The following GABBR2 variants were observed in gnomAD, a reference collection of about 807,000 sequenced individuals.
GABBR2 encodes G-protein coupled receptor 51.
Under a neutral mutation model 105.6 loss-of-function variants are expected in GABBR2, and 23 were observed. That is an observed-to-expected ratio of 0.22 (90% CI 0.16 to 0.31). GABBR2 has a LOEUF of 0.31. GABBR2 is among the 10% of genes least tolerant of loss of function. The probability of loss-of-function intolerance (pLI) is 1.00; values close to 1 mark genes in which losing one functional copy is unlikely to be tolerated. For missense variants in GABBR2, 734 were observed against 1,245.5 expected (o/e 0.59, Z 6.18); for synonymous variants, 478 against 499.7 (o/e 0.96, Z 0.58).
intron 1 of GABBR2, among the ~76,000 whole-genome samples, chr9:98,637,275 T>A (rs537417931): frequency 6.6e-6 from 1 of 152,312 alleles, no homozygotes; most frequent in East Asian, 1.9e-4. Context: ...GGAGACACAG[T>A]TGGCTACTTT....
intron 13 of GABBR2, among the ~76,000 whole-genome samples, chr9:98,336,893 A>G (rs2131399739): frequency 6.6e-6 from 1 of 152,340 alleles, no homozygotes; most frequent in Non-Finnish European, 1.5e-5. Flanking sequence ...TTGAAAGTCT[A>G]TCCGAGAATT....
intron 1 of GABBR2, among the ~76,000 whole-genome samples, chr9:98,648,007 G>A (rs953951303): frequency 6.7e-6 from 1 of 148,846 alleles, no homozygotes; most frequent in Non-Finnish European, 1.5e-5. Flanking sequence ...AAAGAAACCT[G>A]CCAACAGTCA....
intron 13 of GABBR2, among the ~76,000 whole-genome samples, chr9:98,357,729 A>G (rs551135894): frequency 6.6e-6 from 1 of 152,178 alleles, no homozygotes. Flanking sequence ...GATATAATGT[A>G]TATGTACAAT....
chr9:98,458,394 G>A (rs569738747), intron 6 of GABBR2, among the ~76,000 whole-genome samples: 14 of 152,256 alleles, frequency 9.2e-5, no homozygotes, highest in African/African-American at 3.1e-4. Context: ...AAATCACTTG[G>A]GAAGCTTGTT....
intron 15 of GABBR2, among the ~76,000 whole-genome samples, chr9:98,304,683 T>G (rs780134824): frequency 7.2e-5 from 11 of 152,206 alleles, no homozygotes; most frequent in Non-Finnish European, 1.2e-4. Flanking sequence ...TGGACCCAGA[T>G]GATCTTTCCT....
intron 1 of GABBR2, among the ~76,000 whole-genome samples, chr9:98,611,949 C>T (rs1829512459): frequency 6.6e-6 from 1 of 152,264 alleles, no homozygotes; most frequent in Admixed American, 6.5e-5. Flanking sequence ...TGATTCATTC[C>T]AGAATCAAGG....
At chr9:98,517,148 C>T (rs78879810) in intron 3 of GABBR2, among the ~76,000 whole-genome samples, 1,647 of 152,298 alleles carry the variant, frequency 0.011, 13 homozygotes, top group Non-Finnish European at 0.017. Context: ...GGTCACACAC[C>T]TTCCCCAGGA....
At chr9:98,475,091 C>T (rs1402975852) in intron 5 of GABBR2, among the ~76,000 whole-genome samples, 1 of 152,194 alleles carries the variant, frequency 6.6e-6, no homozygotes, top group African/African-American at 2.4e-5. Context: ...AGTGATCACA[C>T]TGTCTCTTCA....
At chr9:98,703,194 G>C (rs1159601978) in intron 1 of GABBR2, among the ~76,000 whole-genome samples, 1 of 152,236 alleles carries the variant, frequency 6.6e-6, no homozygotes, top group Non-Finnish European at 1.5e-5. Context: ...ACCACATGGG[G>C]AGAGCCTGCC....
intron 8 of GABBR2, among the ~76,000 whole-genome samples, chr9:98,401,307 G>C (rs1832390807): frequency 6.6e-6 from 1 of 152,188 alleles, no homozygotes; most frequent in Non-Finnish European, 1.5e-5. Flanking sequence ...CCACATGAGA[G>C]GGAATGAGTT....
At chr9:98,527,364 T>C (rs1827981692) in intron 3 of GABBR2, among the ~76,000 whole-genome samples, 1 of 151,866 alleles carries the variant, frequency 6.6e-6, no homozygotes. Flanking sequence ...CAGTACCGCC[T>C]CAATGAAAAA....
At chr9:98,652,382 G>A (rs1830120642) in intron 1 of GABBR2, among the ~76,000 whole-genome samples, 1 of 152,110 alleles carries the variant, frequency 6.6e-6, no homozygotes, top group African/African-American at 2.4e-5. Context: ...CAGTTGCAGG[G>A]TGCTTGTCAG....
chr9:98,632,613 T>C (rs1423862570), intron 1 of GABBR2, among the ~76,000 whole-genome samples: 1 of 152,182 alleles, frequency 6.6e-6, no homozygotes, highest in Admixed American at 6.5e-5. Flanking sequence ...CCGGCCATCA[T>C]GCTGGAGAAG....
intron 7 of GABBR2, among the ~76,000 whole-genome samples, chr9:98,446,034 A>C (rs1173548256): frequency 2.0e-5 from 3 of 152,244 alleles, no homozygotes; most frequent in Non-Finnish European, 4.4e-5. Context: ...GAATGGCCAC[A>C]GGAGAGAACT....
intron 1 of GABBR2, among the ~76,000 whole-genome samples, chr9:98,585,385 G>A (rs903796386): frequency 7.4e-5 from 11 of 149,614 alleles, no homozygotes; most frequent in Non-Finnish European, 1.2e-4. Flanking sequence ...GCAAACTATC[G>A]CAAGGACAAA....
At chr9:98,439,086 T>G (rs1825984482) in intron 7 of GABBR2, among the ~76,000 whole-genome samples, 1 of 152,034 alleles carries the variant, frequency 6.6e-6, no homozygotes, top group African/African-American at 2.4e-5. Context: ...TTTCCTTTAC[T>G]AAATATCTGC....
intron 13 of GABBR2, among the ~76,000 whole-genome samples, chr9:98,344,971 G>A (rs1831278862): frequency 6.6e-6 from 1 of 152,028 alleles, no homozygotes; most frequent in Non-Finnish European, 1.5e-5. Context: ...AATTCCCCAT[G>A]TTGCCTCCCA....
chr9:98,370,065 T>C (rs1200390484), intron 12 of GABBR2, among the ~76,000 whole-genome samples: 2 of 151,960 alleles, frequency 1.3e-5, no homozygotes, highest in African/African-American at 4.8e-5. Flanking sequence ...GGCCAGCTGC[T>C]CTGAGGATGG....
At chr9:98,597,146 T>C (rs1484615333) in intron 1 of GABBR2, among the ~76,000 whole-genome samples, 5 of 152,164 alleles carry the variant, frequency 3.3e-5, no homozygotes, top group African/African-American at 1.2e-4. Flanking sequence ...TTATCTGAGA[T>C]CTGCAGGCCC....
Sources: gnomAD v4.1 joint callset for allele counts (sites outside exome capture counted in the v4.1 genomes callset) on GRCh38, gnomAD v4.1.1 for gene constraint, MANE v1.5 for transcripts, NCBI Gene and HGNC (gene_info 2026-07-23, HGNC 2026-07-21) for gene names.